Variants in ADAMTS19 observed in about 807,000 individuals in gnomAD.
The protein encoded by ADAMTS19 is A disintegrin and metalloproteinase with thrombospondin motifs 19.
Under a neutral mutation model 153.3 loss-of-function variants are expected in ADAMTS19, and 93 were observed. The ratio of observed to expected loss-of-function variants is 0.61; its 90% CI spans 0.51 to 0.72. The LOEUF is 0.72. ADAMTS19 is among the 30% of genes least tolerant of loss of function. ADAMTS19 has a pLI of 0.00. For synonymous variants in ADAMTS19, 600 were observed against 556.6 expected (o/e 1.08, Z -1.10); for missense variants, 1,482 against 1,552.1 (o/e 0.95, Z 0.76).
intron 19 of ADAMTS19, among the ~76,000 whole-genome samples, chr5:129,698,388 C>T (rs1305193003): frequency 2.0e-5 from 3 of 152,142 alleles, no homozygotes; most frequent in Non-Finnish European, 4.4e-5. Flanking sequence ...ATTCTAATTC[C>T]CATTCACATT....
chr5:129,537,392 C>G (rs1332349929), intron 6 of ADAMTS19, among the ~76,000 whole-genome samples: 8 of 152,168 alleles, frequency 5.3e-5, no homozygotes, highest in African/African-American at 1.4e-4. Context: ...TCTAGAACTA[C>G]AAATACCATT....
At chr5:129,495,113 G>GA (rs1475792469) in intron 2 of ADAMTS19, among the ~76,000 whole-genome samples, 1 of 151,800 alleles carries the variant, frequency 6.6e-6, no homozygotes, top group African/African-American at 2.4e-5. Flanking sequence ...AAATACTGAG[G>GA]GTGGATATGT....
chr5:129,481,690 AAGG>A (rs1409101650), intron 2 of ADAMTS19, among the ~76,000 whole-genome samples: 1 of 152,162 alleles, frequency 6.6e-6, no homozygotes, highest in Admixed American at 6.6e-5. Context: ...CAAAACATTA[AAGG>A]ATTGTTTTGT....
chr5:129,718,117 A>G (rs2127193753), intron 21 of ADAMTS19, among the ~76,000 whole-genome samples: 1 of 152,242 alleles, frequency 6.6e-6, no homozygotes, highest in South Asian at 2.1e-4. Context: ...TCTATTAATT[A>G]CTTCTTAATG....
At chr5:129,639,955 T>A (rs1377675377) in intron 10 of ADAMTS19, among the ~76,000 whole-genome samples, 1 of 152,184 alleles carries the variant, frequency 6.6e-6, no homozygotes, top group African/African-American at 2.4e-5. Context: ...ACTCTTTGCC[T>A]ATTTTCAATA....
At chr5:129,613,902 A>G (rs964675237) in intron 8 of ADAMTS19, among the ~76,000 whole-genome samples, 6 of 152,206 alleles carry the variant, frequency 3.9e-5, no homozygotes, top group African/African-American at 1.4e-4. Flanking sequence ...AGAATACTAT[A>G]AACACCTCTA....
intron 2 of ADAMTS19, among the ~76,000 whole-genome samples, chr5:129,491,893 G>GTACC (rs1458745194): frequency 6.6e-6 from 1 of 152,068 alleles, no homozygotes; most frequent in African/African-American, 2.4e-5. Context: ...TTTCTTGTGG[G>GTACC]TACCTATATG....
At chr5:129,608,875 A>C (rs1028191714) in intron 8 of ADAMTS19, among the ~76,000 whole-genome samples, 1 of 152,006 alleles carries the variant, frequency 6.6e-6, no homozygotes, top group Non-Finnish European at 1.5e-5. Context: ...AAAAGAGAAG[A>C]AAAGAACTAA....
In ADAMTS19 at chr5:129,701,451, A is replaced by G. The variant is rs1755845249; in HGVS notation, c.3018A>G (p.Gln1006=). 1 of 1,614,210 alleles carries G rather than the reference A, an allele frequency of 6.2e-7. No homozygotes were observed. The highest frequency in any genetic ancestry group is 1.3e-5 in the African/African-American group (1 of 75,038). Residue 1006 remains glutamine, a synonymous_variant, in exon 20 of 23, where the codon CAA becomes CAG. Coordinates refer to ENST00000274487, the MANE Select transcript of ADAMTS19 (RefSeq NM_133638.6). The part of the protein sequence containing the change: ...RTCGKGMQSR[Q]VACTQQLSNG... ...GTGGAAAAGGAATGCAGAGCAGACA[A>G]GTGGCCTGTACCCAACAACTGAGCA...
Position 129,494,945 on chromosome 5 carries a change from G to A in ADAMTS19, c.748-14132G>A, listed in dbSNP as rs148200987. 2.9e-3 allele frequency among the ~76,000 whole-genome samples: 439 copies of A among 152,082 alleles called. 3 individuals carry two copies. Among genetic ancestry groups the A allele is most frequent in the African/African-American group, 9.9e-3 (412 of 41,486 alleles). The stretch of plus-strand genomic sequence containing the variant: ...ATGTAGTGAGAGTAAAAAACCATGG[G>A]TGCAAAAAATACCACCATCTTCTGT... On this transcript the variant is annotated intron_variant, in intron 2 of 22. Transcript: ENST00000274487.
At chr5:129,475,430 T>C (rs1266645589) in intron 2 of ADAMTS19, among the ~76,000 whole-genome samples, 1 of 152,234 alleles carries the variant, frequency 6.6e-6, no homozygotes, top group African/African-American at 2.4e-5. Flanking sequence ...GTTGTTTTGA[T>C]CTATATTTAT....
At chr5:129,561,862 A>ATCTG (rs1413825052) in intron 7 of ADAMTS19, among the ~76,000 whole-genome samples, 6 of 151,404 alleles carry the variant, frequency 4.0e-5, no homozygotes, top group African/African-American at 7.3e-5. Context: ...CTATCTATCT[A>ATCTG]TCTAATCTAT....
intron 18 of ADAMTS19, among the ~76,000 whole-genome samples, chr5:129,692,861 TAGG>T (rs1755395420): frequency 6.6e-6 from 1 of 152,136 alleles, no homozygotes; most frequent in Non-Finnish European, 1.5e-5. Context: ...AGGGTACTGG[TAGG>T]AGGCACACCT....
intron 8 of ADAMTS19, among the ~76,000 whole-genome samples, chr5:129,605,201 G>T (rs1228970066): frequency 6.6e-6 from 1 of 152,130 alleles, no homozygotes; most frequent in African/African-American, 2.4e-5. Flanking sequence ...TTACAACAAA[G>T]CAAATTGCCT....
intron 3 of ADAMTS19, among the ~76,000 whole-genome samples, chr5:129,521,796 A>G (rs752339878): frequency 9.9e-5 from 15 of 152,144 alleles, no homozygotes; most frequent in Admixed American, 2.0e-4. Flanking sequence ...GTAGACTGAG[A>G]AATGTTTCTG....
intron 18 of ADAMTS19, among the ~76,000 whole-genome samples, chr5:129,691,143 T>C (rs17163069): frequency 0.044 from 6,733 of 152,264 alleles, 453 homozygotes; most frequent in African/African-American, 0.15. Context: ...GGCGGCTCAC[T>C]TAATATAATG....
intron 7 of ADAMTS19, among the ~76,000 whole-genome samples, chr5:129,593,489 CT>C (rs571307384): frequency 3.0e-4 from 45 of 151,800 alleles, no homozygotes; most frequent in Non-Finnish European, 5.7e-4. Context: ...GATAAAGTTC[CT>C]TTTTTTTGTA....
At chr5:129,638,576 TAC>T (rs200992336) in intron 10 of ADAMTS19, among the ~76,000 whole-genome samples, 4,374 of 75,492 alleles carry the variant, frequency 0.058, 73 homozygotes, top group South Asian at 0.12. Flanking sequence ...CACACACACA[TAC>T]ACACACACAC....
At chr5:129,696,011 G>C (rs1755535591) in intron 19 of ADAMTS19, among the ~76,000 whole-genome samples, 1 of 152,130 alleles carries the variant, frequency 6.6e-6, no homozygotes, top group Admixed American at 6.6e-5. Flanking sequence ...AGGGAAGAGG[G>C]AGAGGAACAA....
Sources: allele counts gnomAD v4.1 joint callset (sites outside exome capture counted in the v4.1 genomes callset), GRCh38; gene constraint gnomAD v4.1.1; transcripts MANE v1.5; gene names NCBI Gene and HGNC (gene_info 2026-07-23, HGNC 2026-07-21).